Variants in SORCS1 observed in about 807,000 individuals in gnomAD.
The protein encoded by SORCS1 is VPS10 domain-containing receptor SorCS1.
In SORCS1, 60 loss-of-function variants were observed where a neutral mutation model predicts 146.1. The ratio of observed to expected loss-of-function variants is 0.41; its 90% confidence interval spans 0.33 to 0.51. SORCS1 has a LOEUF of 0.51. Among genes scored for constraint, SORCS1 ranks in the 20% least tolerant of loss-of-function variants. The probability of loss-of-function intolerance (pLI) is 0.21; values close to 1 mark genes in which losing one functional copy is unlikely to be tolerated. For synonymous variants in SORCS1, 637 were observed against 584.0 expected, an observed-to-expected ratio of 1.09 and a Z score of -1.31; for missense variants, 1,352 against 1,487.6, an observed-to-expected ratio of 0.91 and a Z score of 1.50.
At chr10:106,597,289 G>T in intron 24 of SORCS1, 62 bp downstream of exon 24, 1 of 1,324,208 alleles carries the variant, frequency 7.6e-7, no homozygotes, top group Non-Finnish European at 1.1e-6. Flanking sequence ...GAGGAAGGAA[G>T]CACGGACTAG....
At chr10:106,849,633 CTG>C (rs938002424) in intron 2 of SORCS1, among the ~76,000 whole-genome samples, 14 of 151,338 alleles carry the variant, frequency 9.3e-5, no homozygotes, top group Non-Finnish European at 1.8e-4. Flanking sequence ...TGGTGAGGAA[CTG>C]TGTTCCTTTG....
chr10:106,830,868 C>T (rs558570162), intron 2 of SORCS1, among the ~76,000 whole-genome samples: 145 of 152,066 alleles, frequency 9.5e-4, no homozygotes, highest in Non-Finnish European at 1.7e-3. Context: ...TGCACTCCAG[C>T]CTGGACCACA....
chr10:106,611,130 A>C (rs1191982319), intron 22 of SORCS1, among the ~76,000 whole-genome samples: 1 of 152,086 alleles, frequency 6.6e-6, no homozygotes, highest in East Asian at 1.9e-4. Flanking sequence ...TGCCTAAAAG[A>C]AGGTGTCTTC....
intron 1 of SORCS1, among the ~76,000 whole-genome samples, chr10:107,068,811 A>T (rs991761264): frequency 6.7e-6 from 1 of 150,002 alleles, no homozygotes; most frequent in Non-Finnish European, 1.5e-5. Context: ...CAGAGCTTGC[A>T]GTGAGAAGAG....
intron 1 of SORCS1, among the ~76,000 whole-genome samples, chr10:107,059,628 T>C (rs539531584): frequency 7.5e-4 from 114 of 152,326 alleles, no homozygotes; most frequent in Middle Eastern, 3.4e-3. Flanking sequence ...CCTGCAGCTC[T>C]GCTCTTGTAA....
intron 2 of SORCS1, among the ~76,000 whole-genome samples, chr10:106,865,779 G>T (rs1406326472): frequency 1.3e-5 from 2 of 151,154 alleles, no homozygotes; most frequent in Non-Finnish European, 3.0e-5. Flanking sequence ...ATAAAAAGTG[G>T]CCAGACTGTT....
chr10:106,890,421 C>T (rs940970317), intron 2 of SORCS1, among the ~76,000 whole-genome samples: 1 of 151,810 alleles, frequency 6.6e-6, no homozygotes, highest in Admixed American at 6.6e-5. Flanking sequence ...CTGATTATAC[C>T]TAGAAAGGGG....
At chr10:106,738,895 C>T (rs1011849599) in intron 5 of SORCS1, among the ~76,000 whole-genome samples, 2 of 152,022 alleles carry the variant, frequency 1.3e-5, no homozygotes, top group Non-Finnish European at 2.9e-5. Context: ...ACTATACTGC[C>T]CCGGCTGGTC....
intron 9 of SORCS1, among the ~76,000 whole-genome samples, chr10:106,691,323 T>C (rs1410883945): frequency 6.6e-6 from 1 of 152,192 alleles, no homozygotes; most frequent in Non-Finnish European, 1.5e-5. Context: ...TGTCCTCCTT[T>C]GGGAAAAGAA....
At chr10:106,961,482 C>A (rs1248338113) in intron 1 of SORCS1, among the ~76,000 whole-genome samples, 2 of 152,184 alleles carry the variant, frequency 1.3e-5, no homozygotes, top group Non-Finnish European at 2.9e-5. Context: ...AACAGAAGCA[C>A]AGGAATTTTC....
chr10:106,904,712 A>G, intron 2 of SORCS1, among the ~76,000 whole-genome samples: 1 of 152,198 alleles, frequency 6.6e-6, no homozygotes, highest in Non-Finnish European at 1.5e-5. Context: ...AATCTTACCT[A>G]ATTATCCCAC....
At chr10:107,082,950 C>CA (rs967981093) in intron 1 of SORCS1, among the ~76,000 whole-genome samples, 9 of 149,868 alleles carry the variant, frequency 6.0e-5, no homozygotes, top group South Asian at 4.3e-4. Context: ...AGAAAAAATA[C>CA]AAAAAAAAAT....
chr10:106,987,700 T>C (rs1218543275), intron 1 of SORCS1, among the ~76,000 whole-genome samples: 1 of 152,182 alleles, frequency 6.6e-6, no homozygotes. Context: ...CCCTCAAAGA[T>C]TTTTTTCTTC....
chr10:106,842,670 G>T (rs1949103448), intron 2 of SORCS1, among the ~76,000 whole-genome samples: 1 of 152,168 alleles, frequency 6.6e-6, no homozygotes, highest in African/African-American at 2.4e-5. Flanking sequence ...AGGCTGGAGT[G>T]CAATGGCGTG....
chr10:106,997,103 C>A (rs1957035364), intron 1 of SORCS1, among the ~76,000 whole-genome samples: 1 of 152,022 alleles, frequency 6.6e-6, no homozygotes, highest in South Asian at 2.1e-4. Context: ...TATAGCGCTG[C>A]CATTCCAAGG....
At chr10:107,092,219 A>G (rs1964235014) in intron 1 of SORCS1, among the ~76,000 whole-genome samples, 1 of 152,220 alleles carries the variant, frequency 6.6e-6, no homozygotes, top group African/African-American at 2.4e-5. Flanking sequence ...AGCTTAGGAA[A>G]GAGAGAGACT....
chr10:106,845,843 C>G (rs1429791487), intron 2 of SORCS1, among the ~76,000 whole-genome samples: 1 of 75,632 alleles, frequency 1.3e-5, no homozygotes, highest in Non-Finnish European at 3.1e-5. Flanking sequence ...ATAGGGAATC[C>G]TTTCCCCATT....
At chr10:106,780,721 A>G (rs989630614) in intron 3 of SORCS1, among the ~76,000 whole-genome samples, 6 of 152,182 alleles carry the variant, frequency 3.9e-5, no homozygotes, top group Admixed American at 3.3e-4. Flanking sequence ...CAGGAAAGTA[A>G]TTATTCCCTG....
In SORCS1 at chr10:106,851,974, G is replaced by A. The variant is rs192722786; in HGVS notation, c.627-22301C>T. The stretch of plus-strand genomic sequence containing the variant: ...GGTATGCTAATGTAAATGGTAATGC[G>A]TTTTTAATTTCAAATTCTGCTTGTT... On this transcript the variant is annotated intron_variant, in intron 2 of 25. Transcript: ENST00000263054. Among the ~76,000 whole-genome samples, 131 of 152,178 alleles carry A rather than the reference G, an allele frequency of 8.6e-4. 1 individual carries two copies. The highest frequency in any genetic ancestry group is 6.6e-3 in the South Asian group (32 of 4,818).
Sources: allele counts gnomAD v4.1 joint callset (sites outside exome capture counted in the v4.1 genomes callset), GRCh38; gene constraint gnomAD v4.1.1; transcripts MANE v1.5; gene names NCBI Gene and HGNC (gene_info 2026-07-23, HGNC 2026-07-21).